CLNK: variants seen among roughly 807,000 people sequenced by gnomAD.
CLNK encodes cytokine dependent hematopoietic cell linker.
In CLNK, 74 loss-of-function variants were observed where a neutral mutation model predicts 68.6. That is an observed-to-expected ratio of 1.08 (90% CI 0.89 to 1.31). The LOEUF (loss-of-function observed/expected upper bound fraction) is 1.31. CLNK is among the 50% of genes most tolerant of loss of function. The pLI, the probability that CLNK is intolerant of heterozygous loss-of-function variation, is 0.00. For synonymous variants in CLNK, 198 were observed against 172.2 expected, an observed-to-expected ratio of 1.15 and a Z score of -1.17; for missense variants, 553 against 515.3, an observed-to-expected ratio of 1.07 and a Z score of -0.71.
chr4:10,536,082 C>A (rs1294612010), intron 11 of CLNK, among the ~76,000 whole-genome samples: 1 of 152,170 alleles, frequency 6.6e-6, no homozygotes, highest in African/African-American at 2.4e-5. Context: ...CTGGCAGAGA[C>A]AAATGGGGCC....
chr4:10,520,710 C>T (rs1170713916), intron 15 of CLNK, 81 bp downstream of exon 15: 1 of 1,069,310 alleles, frequency 9.4e-7, no homozygotes, highest in Non-Finnish European at 1.4e-6. Context: ...CTCTGGGGTT[C>T]ACAACAGCTA....
intron 4 of CLNK, among the ~76,000 whole-genome samples, chr4:10,583,684 G>A (rs1720870533): frequency 1.3e-5 from 2 of 152,068 alleles, no homozygotes; most frequent in Admixed American, 6.5e-5. Flanking sequence ...AGGCCTGGGC[G>A]ACTTTATATC....
rs1381630814 is a variant in CLNK, at chr4:10,667,789, T to C, written c.11+70A>G. The C allele has an allele frequency of 7.6e-6, 11 of 1,439,600 alleles. No homozygotes were observed. The African/African-American group carries it at 1.4e-4, about 19-fold the overall frequency. 89.2% of individuals were successfully genotyped at this position (1,439,600 alleles called of 1,614,324 possible). On this transcript the variant is annotated intron_variant, in intron 2 of 18. Coordinates refer to ENST00000226951, the MANE Select transcript of CLNK (RefSeq NM_052964.4). The stretch of plus-strand genomic sequence containing the variant: ...CATTGGCATCATTTCTCAGTTCATC[T>C]TCCAGAAAACACCTCCTGTCCCCAC...
intron 3 of CLNK, among the ~76,000 whole-genome samples, 175 bp downstream of exon 3, chr4:10,597,803 C>T (rs1437716131): frequency 6.6e-6 from 1 of 152,212 alleles, no homozygotes; most frequent in Non-Finnish European, 1.5e-5. Context: ...CACACACCTG[C>T]TGGCTGCTCA....
chr4:10,531,380 C>T (rs1718531524), intron 12 of CLNK: 1 of 153,160 alleles, frequency 6.5e-6, no homozygotes, highest in African/African-American at 2.4e-5. Flanking sequence ...GACTTTATCA[C>T]ATCAACTTTG....
intron 8 of CLNK, among the ~76,000 whole-genome samples, chr4:10,556,876 G>A (rs1247729261): frequency 2.0e-5 from 3 of 151,952 alleles, no homozygotes; most frequent in Non-Finnish European, 4.4e-5. Context: ...AGGAGTTCGC[G>A]ACCAGCCTGA....
intron 18 of CLNK, among the ~76,000 whole-genome samples, chr4:10,497,483 G>T (rs1577086516): frequency 6.6e-6 from 1 of 152,308 alleles, no homozygotes; most frequent in East Asian, 1.9e-4. Flanking sequence ...ACAGACATTT[G>T]GTTCTCTCAG....
At chr4:10,562,135 C>G (rs1402315604) in intron 7 of CLNK, among the ~76,000 whole-genome samples, 1 of 133,462 alleles carries the variant, frequency 7.5e-6, no homozygotes, top group Non-Finnish European at 1.5e-5. Context: ...GGGTCTCACT[C>G]TGTTGCCCAG....
chr4:10,517,620 C>G (rs1320866340), intron 15 of CLNK, among the ~76,000 whole-genome samples: 1 of 152,186 alleles, frequency 6.6e-6, no homozygotes, highest in Admixed American at 6.5e-5. Context: ...GGAACATACT[C>G]AAGAAGGGAA....
rs538515546 is a variant in CLNK at position 10,617,401 on chromosome 4, G to A, written c.12-19352C>T. 2.0e-5 allele frequency among the ~76,000 whole-genome samples: 3 copies of A among 152,250 alleles called. No individual in the cohort carries two copies. The South Asian group carries it at 6.2e-4, about 32-fold the overall frequency. Reference sequence around the variant, plus strand: ...ATATTTGTTAATAGGATTGATGTGTGCAAAAGGGGAGAAAAAAATTCCAAA... The same window carrying A: ...ATATTTGTTAATAGGATTGATGTGTACAAAAGGGGAGAAAAAAATTCCAAA... On this transcript the variant is annotated intron_variant, in intron 2 of 18. Coordinates refer to ENST00000226951, the MANE Select transcript of CLNK (RefSeq NM_052964.4).
At chr4:10,553,739 C>T (rs1242322830) in intron 8 of CLNK, among the ~76,000 whole-genome samples, 2 of 152,236 alleles carry the variant, frequency 1.3e-5, no homozygotes, top group Non-Finnish European at 2.9e-5. Context: ...CAGGCGTGAG[C>T]CACCGCGCTT....
intron 2 of CLNK, among the ~76,000 whole-genome samples, chr4:10,606,270 G>A (rs1281812526): frequency 6.6e-6 from 1 of 151,980 alleles, no homozygotes; most frequent in African/African-American, 2.4e-5. Flanking sequence ...GCCTGCATAG[G>A]GTCAGGGTCA....
At chr4:10,616,784 GTGTGTGTA>G (rs1411296225) in intron 2 of CLNK, among the ~76,000 whole-genome samples, 1 of 11,198 alleles carries the variant, frequency 8.9e-5, no homozygotes, top group African/African-American at 1.6e-4. Flanking sequence ...ATATATGTGT[GTGTGTGTA>G]TATATATATA....
At chr4:10,652,678 A>G (rs1255529953) in intron 2 of CLNK, among the ~76,000 whole-genome samples, 1 of 152,226 alleles carries the variant, frequency 6.6e-6, no homozygotes, top group Non-Finnish European at 1.5e-5. Flanking sequence ...TTTCAATCAT[A>G]CATGTATTTG....
chr4:10,627,401 C>T (rs1722716469), intron 2 of CLNK, among the ~76,000 whole-genome samples: 1 of 152,154 alleles, frequency 6.6e-6, no homozygotes, highest in African/African-American at 2.4e-5. Flanking sequence ...TTGGAGGAAA[C>T]AATACCTTTA....
rs147880433 is a variant in CLNK at position 10,510,401 on chromosome 4, C to G, written c.907-2365G>C. Among the ~76,000 whole-genome samples, 41 of 152,286 alleles carry G rather than the reference C, an allele frequency of 2.7e-4. 1 individual carries two copies. The East Asian group carries it at 7.7e-3, about 29-fold the overall frequency. ...GACAGCCATTAGCAGGTGATGGGAT[C>G]CTGCTACAATTTAATAGCGTGTTTT... On this transcript the variant is annotated intron_variant, in intron 16 of 18. Transcript: ENST00000226951.
chr4:10,574,665 T>A (rs1184678502), intron 4 of CLNK, among the ~76,000 whole-genome samples: 1 of 152,134 alleles, frequency 6.6e-6, no homozygotes, highest in Non-Finnish European at 1.5e-5. Flanking sequence ...TTATGCCCAA[T>A]ATCTGCCTCC....
chr4:10,577,109 G>A (rs953372729), intron 4 of CLNK, among the ~76,000 whole-genome samples: 1 of 152,196 alleles, frequency 6.6e-6, no homozygotes, highest in Admixed American at 6.5e-5. Context: ...AAAATAGGAA[G>A]CCTGCAGAGG....
At chr4:10,729,051 T>C in the CLNK span, among the ~76,000 whole-genome samples, 6 of 152,250 alleles carry the variant, frequency 3.9e-5, no homozygotes. Flanking sequence ...TTTTATATGA[T>C]GATTTCTGTT....
Sources: gnomAD v4.1 joint callset for allele counts (sites outside exome capture counted in the v4.1 genomes callset) on GRCh38, gnomAD v4.1.1 for gene constraint, MANE v1.5 for transcripts, NCBI Gene and HGNC (gene_info 2026-07-23, HGNC 2026-07-21) for gene names.